Variants in MXI1 observed in about 807,000 individuals in gnomAD.
MXI1 encodes the protein MAX interactor 1, dimerization protein, also known as max-interacting protein 1.
Under a neutral mutation model 36.9 loss-of-function variants are expected in MXI1, and 18 were observed. That is an observed-to-expected ratio of 0.49 (90% confidence interval 0.34 to 0.72). The LOEUF (loss-of-function observed/expected upper bound fraction) is 0.72, where lower values mean the gene tolerates loss of function less well. Ranked by LOEUF, MXI1 falls within the 30% of genes least tolerant of loss-of-function variation. MXI1 has a pLI of 0.01. For missense variants in MXI1, 304 were observed against 379.1 expected (o/e 0.80, Z 1.64); for synonymous variants, 160 against 146.7 (o/e 1.09, Z -0.65).
chr10:110,257,361 T>A (rs1177683769), intron 3 of MXI1: 2 of 148,914 alleles, frequency 1.3e-5, no homozygotes, highest in African/African-American at 5.0e-5. Context: ...CTGGCTGGAG[T>A]GCAATGGCGC....
Position 110,238,354 on chromosome 10 carries a change from A to G in MXI1, c.408-6474A>G, listed in dbSNP as rs1015659954. 7.3e-4 allele frequency among the ~76,000 whole-genome samples: 111 copies of G among 152,278 alleles called. 1 individual carries two copies. The highest frequency in any genetic ancestry group is 2.6e-3 in the African/African-American group (107 of 41,558). On this transcript the variant is annotated intron_variant, in intron 2 of 5. Coordinates refer to ENST00000332674, the MANE Select transcript of MXI1 (RefSeq NM_130439.3). ...CTCAGGTGTAGTCCGAAGACCCACT[A>G]TGAATAATGAAGACACACCTAATTA...
intron 2 of MXI1, among the ~76,000 whole-genome samples, chr10:110,240,557 G>C (rs113565447): frequency 0.052 from 7,976 of 152,076 alleles, 318 homozygotes; most frequent in Middle Eastern, 0.15. Context: ...AACAAATGCA[G>C]AAAACTACCG....
At chr10:110,263,484 A>G (rs961049197) in intron 3 of MXI1, among the ~76,000 whole-genome samples, 1 of 151,990 alleles carries the variant, frequency 6.6e-6, no homozygotes, top group Non-Finnish European at 1.5e-5. Context: ...ATGAAAGTAC[A>G]TTTTTTTTCT....
At chr10:110,284,730 C>T in intron 5 of MXI1, 94 bp from the exon 6 acceptor site, 1 of 1,136,588 alleles carries the variant, frequency 8.8e-7, no homozygotes, top group South Asian at 1.7e-5. Flanking sequence ...TGTTGTGTAA[C>T]ATTTCTTATA....
chr10:110,260,223 G>A (rs1242725560), intron 3 of MXI1, among the ~76,000 whole-genome samples: 1 of 152,044 alleles, frequency 6.6e-6, no homozygotes, highest in Non-Finnish European at 1.5e-5. Flanking sequence ...GGTTGTGAAT[G>A]TTGTATAAGT....
intron 1 of MXI1, chr10:110,226,217 C>G (rs1195964792): frequency 6.7e-7 from 1 of 1,483,670 alleles, no homozygotes; most frequent in Non-Finnish European, 8.9e-7. Flanking sequence ...GCCCATGGAG[C>G]GGGTGAAGAT....
chr10:110,210,444 C>A, intron 1 of MXI1: 1 of 299,290 alleles, frequency 3.3e-6, no homozygotes, highest in Non-Finnish European at 4.9e-6. Flanking sequence ...CAACGGCCCC[C>A]AGATTTCCCC....
intron 3 of MXI1, among the ~76,000 whole-genome samples, chr10:110,276,930 C>T (rs1018690791): frequency 2.0e-5 from 3 of 151,772 alleles, no homozygotes; most frequent in Non-Finnish European, 2.9e-5. Flanking sequence ...ACTGCAACCT[C>T]CACCTGCTGG....
At chr10:110,221,917 A>C (rs1440328262) in intron 1 of MXI1, among the ~76,000 whole-genome samples, 2 of 152,090 alleles carry the variant, frequency 1.3e-5, no homozygotes, top group African/African-American at 2.4e-5. Flanking sequence ...TGGCGACAGG[A>C]GCCCTGGGAG....
Position 110,285,610 on chromosome 10 carries a change from C to G in MXI1, c.*623C>G, listed in dbSNP as rs914242543. ...AAGCCTTTTGAAAGGGATCATCATG[C>G]AGCTCAACTTTCTGTTGGATTCCAT... On this transcript the variant is annotated 3_prime_UTR_variant, in exon 6 of 6. Coordinates refer to ENST00000332674, the MANE Select transcript of MXI1 (RefSeq NM_130439.3). 6.6e-6 allele frequency: 1 copy of G among 152,122 alleles called. No homozygotes were observed. The highest frequency in any genetic ancestry group is 2.4e-5 in the African/African-American group (1 of 41,342). 9.4% of individuals were successfully genotyped at this position (152,122 alleles called of 1,614,324 possible). A position where few individuals can be genotyped will look rare whatever the true frequency, so the allele number is the denominator to read the frequency against.
chr10:110,260,790 A>G (rs1230439842), intron 3 of MXI1, among the ~76,000 whole-genome samples: 1 of 152,038 alleles, frequency 6.6e-6, no homozygotes, highest in Non-Finnish European at 1.5e-5. Context: ...CAAATTCTGA[A>G]ATTTAAATGC....
intron 1 of MXI1, among the ~76,000 whole-genome samples, chr10:110,220,423 G>A (rs991651484): frequency 6.6e-6 from 1 of 152,178 alleles, no homozygotes; most frequent in African/African-American, 2.4e-5. Flanking sequence ...GCAAGAGAAT[G>A]GTATTTTTAT....
At chr10:110,241,400 T>C (rs1347104651) in intron 2 of MXI1, among the ~76,000 whole-genome samples, 1 of 151,938 alleles carries the variant, frequency 6.6e-6, no homozygotes, top group Non-Finnish European at 1.5e-5. Context: ...TAATTGAATA[T>C]TTCAATGGAA....
intron 3 of MXI1, among the ~76,000 whole-genome samples, chr10:110,273,708 C>G (rs1212333994): frequency 2.6e-5 from 4 of 152,206 alleles, no homozygotes; most frequent in Admixed American, 6.5e-5. Flanking sequence ...ACGTAACATT[C>G]AGCAGAGCGG....
chr10:110,273,919 A>G (rs1856943935), intron 3 of MXI1, among the ~76,000 whole-genome samples: 1 of 152,198 alleles, frequency 6.6e-6, no homozygotes, highest in Admixed American at 6.5e-5. Flanking sequence ...GGGGTATTAG[A>G]GTTTTGAAAG....
At chr10:110,235,085 C>T (rs149186343) in intron 2 of MXI1, among the ~76,000 whole-genome samples, 300 of 152,262 alleles carry the variant, frequency 2.0e-3, no homozygotes, top group African/African-American at 7.1e-3. Context: ...CTACCACTTC[C>T]GATAATTTCA....
At chr10:110,254,785 T>G (rs1856227187) in intron 3 of MXI1, among the ~76,000 whole-genome samples, 1 of 152,146 alleles carries the variant, frequency 6.6e-6, no homozygotes, top group Non-Finnish European at 1.5e-5. Context: ...TATTTAATTC[T>G]GTGAAGGCTA....
chr10:110,216,352 A>G (rs953252146), intron 1 of MXI1, among the ~76,000 whole-genome samples: 1 of 152,210 alleles, frequency 6.6e-6, no homozygotes, highest in African/African-American at 2.4e-5. Context: ...AAACCAGTAC[A>G]TAAGGAGTAC....
At chr10:110,218,325 C>A (rs1251406480) in intron 1 of MXI1, among the ~76,000 whole-genome samples, 1 of 152,020 alleles carries the variant, frequency 6.6e-6, no homozygotes, top group Admixed American at 6.5e-5. Flanking sequence ...TGGCGGGCGC[C>A]TGTAGTCCCA....
Sources: allele counts gnomAD v4.1 joint callset (sites outside exome capture counted in the v4.1 genomes callset), GRCh38; gene constraint gnomAD v4.1.1; transcripts MANE v1.5; gene names NCBI Gene and HGNC (gene_info 2026-07-23, HGNC 2026-07-21).